Variants in FGF2 observed in about 807,000 individuals in gnomAD.
FGF2 encodes the protein basic fibroblast growth factor bFGF.
In FGF2, 13 loss-of-function variants were observed where a neutral mutation model predicts 15.9. The observed-to-expected ratio is 0.82, with a 90% CI of 0.53 to 1.30. FGF2 has a LOEUF of 1.30. Among genes scored for constraint, FGF2 ranks in the 50% most tolerant of loss-of-function variants. The pLI is 0.00. For synonymous variants in FGF2, 90 were observed against 78.4 expected, an observed-to-expected ratio of 1.15 and a Z score of -0.78; for missense variants, 163 against 196.9, an observed-to-expected ratio of 0.83 and a Z score of 1.03.
chr4:122,881,234 C>T (rs1726955301), intron 2 of FGF2, among the ~76,000 whole-genome samples: 1 of 152,158 alleles, frequency 6.6e-6, no homozygotes, highest in Non-Finnish European at 1.5e-5. Flanking sequence ...TGACATTCCC[C>T]AGAGACATTT....
upstream of FGF2, chr4:122,826,734 G>A (rs985207573): frequency 8.7e-6 from 11 of 1,261,686 alleles, no homozygotes; most frequent in East Asian, 3.1e-5. Context: ...GAGCGAGTAG[G>A]GGGCGGCGCG....
At chr4:122,845,631 T>C (rs1252779679) in intron 1 of FGF2, among the ~76,000 whole-genome samples, 4 of 152,234 alleles carry the variant, frequency 2.6e-5, no homozygotes, top group Admixed American at 6.5e-5. Context: ...TGGCTTGTTT[T>C]GTTAAACCTC....
chr4:122,866,030 C>T (rs1726570788), intron 1 of FGF2, among the ~76,000 whole-genome samples: 1 of 152,166 alleles, frequency 6.6e-6, no homozygotes, highest in Non-Finnish European at 1.5e-5. Context: ...ATAAATTGGA[C>T]TTCATGAAAA....
chr4:122,857,485 T>C (rs1726366080), intron 1 of FGF2, among the ~76,000 whole-genome samples: 1 of 152,192 alleles, frequency 6.6e-6, no homozygotes, highest in African/African-American at 2.4e-5. Context: ...CAATCTGACT[T>C]AATTATCTGA....
rs192756291 is a variant in FGF2 at position 122,890,401 on chromosome 4, C to T, written c.283-1810C>T. 3.3e-5 allele frequency among the ~76,000 whole-genome samples: 5 copies of T among 152,152 alleles called. No homozygotes were observed. The South Asian group carries it at 6.2e-4, about 19-fold the overall frequency. ...AAGAATTGAGTTTCTTTATGAGTAA[C>T]GTATTACATAATAGGCAAATTAGTT... is the stretch of plus-strand genomic sequence containing the variant. On this transcript the variant is annotated intron_variant, in intron 2 of 2. Transcript: ENST00000644866.
At chr4:122,887,462 T>C (rs962602448) in intron 2 of FGF2, among the ~76,000 whole-genome samples, 1 of 152,184 alleles carries the variant, frequency 6.6e-6, no homozygotes, top group Admixed American at 6.5e-5. Context: ...GTGAGAAACA[T>C]GGCTCCCGCC....
At chr4:122,869,026 A>G (rs1260850133) in intron 1 of FGF2, among the ~76,000 whole-genome samples, 1 of 152,190 alleles carries the variant, frequency 6.6e-6, no homozygotes, top group East Asian at 1.9e-4. Context: ...CCTTTGTTAG[A>G]TGGGTAGATT....
At chr4:122,866,487 C>T (rs1357567209) in intron 1 of FGF2, among the ~76,000 whole-genome samples, 1 of 152,068 alleles carries the variant, frequency 6.6e-6, no homozygotes, top group Non-Finnish European at 1.5e-5. Context: ...ACTCTTTCAA[C>T]TCAATAATAA....
At chr4:122,892,107 G>A (rs1727203216) in intron 2 of FGF2, 104 bp from the exon 3 acceptor site, 1 of 1,021,464 alleles carries the variant, frequency 9.8e-7, no homozygotes, top group Admixed American at 2.1e-5. Context: ...CATCACTGCT[G>A]CTGGTTGAGC....
intron 2 of FGF2, chr4:122,884,248 C>G (rs756131298): frequency 6.6e-6 from 1 of 152,240 alleles, no homozygotes; most frequent in Non-Finnish European, 1.5e-5. Context: ...AATCCCAGCA[C>G]TTTGGGAGGC....
At chr4:122,854,147 A>G (rs1160639009) in intron 1 of FGF2, among the ~76,000 whole-genome samples, 2 of 152,220 alleles carry the variant, frequency 1.3e-5, no homozygotes, top group African/African-American at 2.4e-5. Context: ...ATGTGAGAAG[A>G]TTTTTTAAAA....
At chr4:122,843,881 G>A (rs898432910) in intron 1 of FGF2, among the ~76,000 whole-genome samples, 2 of 152,200 alleles carry the variant, frequency 1.3e-5, no homozygotes, top group African/African-American at 2.4e-5. Context: ...TTAGTGAGTC[G>A]TAATTGTTCT....
rs1404321040 is a variant in FGF2 at position 122,898,099 on chromosome 4, T to A, written c.*5703T>A. 1 of 161,464 alleles carries A rather than the reference T, an allele frequency of 6.2e-6. No individual in the cohort carries two copies. The highest frequency in any genetic ancestry group is 1.4e-5 in the Non-Finnish European group (1 of 73,990). The allele number at this position is 161,464 out of a possible 1,614,324, so 10.0% of individuals were successfully genotyped here. A position where few individuals can be genotyped will look rare whatever the true frequency, so the allele number is the denominator to read the frequency against. ...TAAAATATGCTATTTTAAAATCTATTTCCTATATTGTATTTCTAATCAGAT... is the reference window on the plus strand; with the variant it reads ...TAAAATATGCTATTTTAAAATCTATATCCTATATTGTATTTCTAATCAGAT... On this transcript the variant is annotated 3_prime_UTR_variant, in exon 3 of 3. Coordinates refer to ENST00000644866, the MANE Select transcript of FGF2 (RefSeq NM_001361665.2).
At position 122,827,197 on chromosome 4, in the gene FGF2, C is replaced by T. The variant is rs780846625; in HGVS notation, c.23C>T (p.Thr8Met). ...ACCATGGCAGCCGGGAGCATCACCA[C>T]GCTGCCCGCCTTGCCCGAGGATGGC... is the stretch of plus-strand genomic sequence containing the variant. MAAGSITTLPALPEDGGS... is the reference protein window; with the variant it reads MAAGSITMLPALPEDGGS... The change falls in exon 1 of 3, where the codon ACG becomes ATG. Residue 8 changes from threonine (T) to methionine (M), a missense_variant. By Grantham distance (81) the Thr-to-Met change is moderately conservative. Transcript: ENST00000644866. The surrounding 1 kb of genome is among the most constrained non-coding windows in gnomAD (Gnocchi z 4.2). The T allele has an allele frequency of 1.2e-6, 2 of 1,602,498 alleles. No homozygotes were observed. The highest frequency in any genetic ancestry group is 1.8e-4 in the Middle Eastern group (1 of 5,484).
chr4:122,868,110 A>G (rs1345454359), intron 1 of FGF2, among the ~76,000 whole-genome samples: 3 of 152,100 alleles, frequency 2.0e-5, no homozygotes, highest in East Asian at 1.9e-4. Context: ...ATTCAGTGTT[A>G]TTATTGATAT....
chr4:122,873,323 G>C (rs1726776367), intron 1 of FGF2, among the ~76,000 whole-genome samples: 1 of 152,218 alleles, frequency 6.6e-6, no homozygotes. Flanking sequence ...CTGCTGCCTT[G>C]CATTCTGCAA....
chr4:122,835,870 G>A (rs989091213), intron 1 of FGF2, among the ~76,000 whole-genome samples: 2 of 152,054 alleles, frequency 1.3e-5, no homozygotes, highest in African/African-American at 2.4e-5. Context: ...GTGTCATAAC[G>A]ATTACTGTCA....
At chr4:122,854,106 A>C (rs1333590179) in intron 1 of FGF2, among the ~76,000 whole-genome samples, 1 of 152,106 alleles carries the variant, frequency 6.6e-6, no homozygotes, top group Non-Finnish European at 1.5e-5. Flanking sequence ...GCCATTATAT[A>C]TTTTCTTTTT....
chr4:122,851,928 T>A (rs190528089), intron 1 of FGF2, among the ~76,000 whole-genome samples: 44 of 152,374 alleles, frequency 2.9e-4, no homozygotes, highest in African/African-American at 1.0e-3. Context: ...ATAGGGATAC[T>A]AGCTGATAAT....
Sources: allele counts gnomAD v4.1 joint callset (sites outside exome capture counted in the v4.1 genomes callset), GRCh38; gene constraint gnomAD v4.1.1; non-coding constraint Gnocchi (gnomAD v3.1); transcripts MANE v1.5; gene names NCBI Gene and HGNC (gene_info 2026-07-23, HGNC 2026-07-21).